The following NBDY variants were observed in gnomAD, a reference collection of about 807,000 sequenced individuals.
NBDY encodes negative regulator of P-body association.
chrX:56,730,767 T>G (rs1212712350), intron 1 of NBDY, among the ~76,000 whole-genome samples: 1 of 111,069 alleles, frequency 9.0e-6, no homozygotes, highest in Non-Finnish European at 1.9e-5. Context: ...CCAATATCCA[T>G]CAAGTGCTAC....
At chrX:56,740,567 G>T (rs1226081139) in intron 2 of NBDY, among the ~76,000 whole-genome samples, 1 of 111,540 alleles carries the variant, frequency 9.0e-6, no homozygotes, top group Non-Finnish European at 1.9e-5. Context: ...CTGTATTTGT[G>T]TATTTGTCAA....
At chrX:56,759,776 C>G (rs776203856) in intron 2 of NBDY, among the ~76,000 whole-genome samples, 4 of 111,838 alleles carry the variant, frequency 3.6e-5, no homozygotes, top group Non-Finnish European at 7.5e-5. Context: ...GCCTTGGCTC[C>G]ACAGCTCTCT....
At chrX:56,786,755 C>T (rs760676426) in intron 2 of NBDY, among the ~76,000 whole-genome samples, 12 of 109,987 alleles carry the variant, frequency 1.1e-4, no homozygotes, top group African/African-American at 3.0e-4. Context: ...CGGATCTGGG[C>T]GGGCAATTGT....
chrX:56,784,796 C>T (rs745326933), intron 2 of NBDY, among the ~76,000 whole-genome samples: 1 of 111,646 alleles, frequency 9.0e-6, no homozygotes, highest in African/African-American at 3.3e-5. Flanking sequence ...TTTGCCGGCT[C>T]TTTAGGGTTT....
intron 2 of NBDY, among the ~76,000 whole-genome samples, chrX:56,799,423 G>T (rs917393588): frequency 8.8e-6 from 1 of 113,320 alleles, no homozygotes; most frequent in East Asian, 2.8e-4. Flanking sequence ...GGGAAGCTCC[G>T]CCCACTGGGC....
At chrX:56,781,338 T>A (rs2069688171) in intron 2 of NBDY, among the ~76,000 whole-genome samples, 1 of 112,067 alleles carries the variant, frequency 8.9e-6, no homozygotes, top group African/African-American at 3.3e-5. Flanking sequence ...GCTTTCTCTC[T>A]GCCTTCCCAA....
At chrX:56,761,357 A>T (rs1224928298) in intron 2 of NBDY, among the ~76,000 whole-genome samples, 3 of 112,385 alleles carry the variant, frequency 2.7e-5, no homozygotes, top group Non-Finnish European at 5.6e-5. Context: ...GCTGCCCAAT[A>T]TTTGCTGGCG....
chrX:56,814,695 A>T (rs891488553), intron 2 of NBDY, among the ~76,000 whole-genome samples: 3 of 110,408 alleles, frequency 2.7e-5, no homozygotes, highest in Non-Finnish European at 3.8e-5. Context: ...GTGTTTCACC[A>T]TGTTGGCCCG....
At chrX:56,802,551 G>A (rs1048162278) in intron 2 of NBDY, among the ~76,000 whole-genome samples, 46 of 110,913 alleles carry the variant, frequency 4.1e-4, no homozygotes, top group African/African-American at 1.4e-3. Flanking sequence ...TGAGCTGTTC[G>A]CTCATTTTGG....
At chrX:56,741,147 C>T (rs1010286893) in intron 2 of NBDY, among the ~76,000 whole-genome samples, 16 of 111,400 alleles carry the variant, frequency 1.4e-4, no homozygotes, top group Non-Finnish European at 2.8e-4. Flanking sequence ...CAGTTCCATC[C>T]ATGCTGTTGT....
At chrX:56,760,169 G>C (rs1224416514) in intron 2 of NBDY, among the ~76,000 whole-genome samples, 1 of 113,007 alleles carries the variant, frequency 8.8e-6, no homozygotes, top group Non-Finnish European at 1.9e-5. Context: ...GAACCCCGGT[G>C]GGGGGAAACC....
chrX:56,788,043 T>A (rs1229849263), intron 2 of NBDY, among the ~76,000 whole-genome samples: 1 of 111,869 alleles, frequency 8.9e-6, no homozygotes, highest in African/African-American at 3.3e-5. Context: ...GTGTTCTTTG[T>A]CTTTTACTTT....
chrX:56,793,933 C>G (rs1160765547), intron 2 of NBDY, among the ~76,000 whole-genome samples: 2 of 112,049 alleles, frequency 1.8e-5, no homozygotes, highest in East Asian at 5.7e-4. Context: ...GCTCCCTGTT[C>G]CCCCTGTGGC....
At chrX:56,789,143 G>A (rs1489575188) in intron 2 of NBDY, among the ~76,000 whole-genome samples, 2 of 112,964 alleles carry the variant, frequency 1.8e-5, no homozygotes, top group Non-Finnish European at 3.7e-5. Context: ...AAAACAAAAA[G>A]CAAAGAAACA....
At chrX:56,810,968 T>C (rs1189415947) in intron 2 of NBDY, 2 of 112,378 alleles carry the variant, frequency 1.8e-5, no homozygotes, top group Non-Finnish European at 3.7e-5. Flanking sequence ...GTTGATACTA[T>C]TCCTTTCTGT....
intron 2 of NBDY, among the ~76,000 whole-genome samples, chrX:56,751,213 G>C (rs1167488267): frequency 9.2e-6 from 1 of 108,235 alleles, no homozygotes; most frequent in African/African-American, 3.4e-5. Context: ...TTGTACATTT[G>C]ACTCCCTCTA....
At chrX:56,746,778 T>C (rs1036339913) in intron 2 of NBDY, among the ~76,000 whole-genome samples, 2 of 111,434 alleles carry the variant, frequency 1.8e-5, no homozygotes, top group African/African-American at 3.3e-5. Context: ...ATTCCTTAGA[T>C]TGTCATCTCT....
intron 1 of NBDY, 127 bp downstream of exon 1, chrX:56,729,716 T>C (rs941904846): frequency 3.5e-6 from 1 of 282,865 alleles, no homozygotes; most frequent in Non-Finnish European, 6.2e-6. Flanking sequence ...ATGCAGGGAT[T>C]AAGCAGCTCT....
chrX:56,733,693 T>C lies in NBDY; in HGVS notation c.*166+1494T>C, dbSNP rs72621715. Among the ~76,000 whole-genome samples the C allele has an allele frequency of 6.9e-4, 77 of 112,003 alleles. 2 individuals carry two copies. In the East Asian group the frequency reaches 0.019, roughly 28 times the overall value. ...ATGCCTTGTTCTAATTAAGGGACTT[T>C]CCTTGTTTTCCAAAGAGCAATGTGT... is the stretch of plus-strand genomic sequence containing the variant. On this transcript the variant is annotated intron_variant, in intron 2 of 2. Coordinates refer to ENST00000374922, the MANE Select transcript of NBDY (RefSeq NM_001348129.2).
Sources: allele counts gnomAD v4.1 joint callset (sites outside exome capture counted in the v4.1 genomes callset), GRCh38; gene constraint gnomAD v4.1.1; transcripts MANE v1.5; gene names NCBI Gene and HGNC (gene_info 2026-07-23, HGNC 2026-07-21).